SF3A3: variants seen among roughly 807,000 people sequenced by gnomAD.
The protein encoded by SF3A3 is SAP 61.
Under a neutral mutation model 85.8 loss-of-function variants are expected in SF3A3, and 9 were observed. The observed-to-expected ratio is 0.10, with a 90% CI of 0.06 to 0.18. The LOEUF (loss-of-function observed/expected upper bound fraction) is 0.18, where lower values mean the gene tolerates loss of function less well. SF3A3 is among the 10% of genes least tolerant of loss of function. The pLI, the probability that SF3A3 is intolerant of heterozygous loss-of-function variation, is 1.00. For synonymous variants in SF3A3, 195 were observed against 204.4 expected, an observed-to-expected ratio of 0.95 and a Z score of 0.39; for missense variants, 306 against 593.3, an observed-to-expected ratio of 0.52 and a Z score of 5.03.
At chr1:37,968,273 G>T in intron 14 of SF3A3, 139 bp from the exon 15 acceptor site, 1 of 654,542 alleles carries the variant, frequency 1.5e-6, no homozygotes, top group Non-Finnish European at 2.9e-6. Context: ...TGTGATTCAT[G>T]TTTGTAAACA....
intron 6 of SF3A3, among the ~76,000 whole-genome samples, chr1:37,983,586 C>CAAAAGAAAA (rs1646435192): frequency 2.6e-5 from 1 of 38,490 alleles, no homozygotes; most frequent in Non-Finnish European, 3.9e-5. Flanking sequence ...GACCCTGTCT[C>CAAAAGAAAA]AAAAAAAAAA....
At chr1:37,980,003 C>T (rs926929869) in intron 8 of SF3A3, among the ~76,000 whole-genome samples, 1 of 152,150 alleles carries the variant, frequency 6.6e-6, no homozygotes, top group Non-Finnish European at 1.5e-5. Flanking sequence ...ATGTAGATTC[C>T]TAACATATGA....
chr1:37,984,141 A>T, intron 6 of SF3A3, 28 bp downstream of exon 6: 1 of 1,314,950 alleles, frequency 7.6e-7, no homozygotes, highest in South Asian at 1.2e-5. Context: ...CGAGAATCAG[A>T]ACCTCTCTGC....
intron 1 of SF3A3, 33 bp downstream of exon 1, chr1:37,989,837 T>C (rs770471151): frequency 6.5e-7 from 1 of 1,526,948 alleles, no homozygotes. Flanking sequence ...AGGCTCGTGC[T>C]CCTGCCGCAG....
At chr1:37,962,336 G>A (rs1254135468) in intron 15 of SF3A3, among the ~76,000 whole-genome samples, 2 of 134,892 alleles carry the variant, frequency 1.5e-5, no homozygotes, top group Non-Finnish European at 3.1e-5. Context: ...GGGCGCGGTG[G>A]CTCACGCCTG....
In SF3A3 at chr1:37,980,252, C is replaced by G. The variant is rs556052332; in HGVS notation, c.690+334G>C. On this transcript the variant is annotated intron_variant, in intron 8 of 16. Transcript: ENST00000373019. Reference sequence around the variant, plus strand: ...CCAGCCTGACAAATATGGAGAAACCCTGTCCCCACTAAAAACACAAAATTA... The same window carrying G: ...CCAGCCTGACAAATATGGAGAAACCGTGTCCCCACTAAAAACACAAAATTA... 2.6e-5 allele frequency among the ~76,000 whole-genome samples: 4 copies of G among 152,196 alleles called. No homozygotes were observed. In the East Asian group the frequency reaches 7.7e-4, roughly 29 times the overall value.
chr1:37,984,669 T>C, intron 5 of SF3A3, 38 bp downstream of exon 5: 2 of 1,346,460 alleles, frequency 1.5e-6, no homozygotes, highest in Non-Finnish European at 2.1e-6. Context: ...TAACCTGTAT[T>C]TTTGCTGGTG....
intron 15 of SF3A3, among the ~76,000 whole-genome samples, chr1:37,966,071 C>T (rs971962368): frequency 4.0e-5 from 6 of 151,852 alleles, no homozygotes; most frequent in East Asian, 1.9e-4. Context: ...GGCGTGGTGG[C>T]GAGCGCTTGT....
chr1:37,979,171 C>A, intron 9 of SF3A3, 116 bp from the exon 10 acceptor site: 1 of 803,180 alleles, frequency 1.2e-6, no homozygotes, highest in Non-Finnish European at 2.1e-6. Context: ...ATTTCACAGC[C>A]AATCTAGCAG....
chr1:37,981,713 A>C lies in SF3A3; in HGVS notation c.551+16T>G. The C allele has an allele frequency of 6.9e-7, 1 of 1,440,756 alleles. No homozygotes were observed. Among genetic ancestry groups the C allele is most frequent in the Non-Finnish European group, 9.7e-7 (1 of 1,030,058 alleles). The allele number at this position is 1,440,756 out of a possible 1,614,324, so 89.2% of individuals were successfully genotyped here. On this transcript the variant is annotated intron_variant, in intron 7 of 16. Coordinates refer to ENST00000373019, the MANE Select transcript of SF3A3 (RefSeq NM_006802.4). ...TAATCAAATCCAGGAGAGGCCTAGAAACTATTAATGCCTACCTCTTATACT... is the reference window on the plus strand; with the variant it reads ...TAATCAAATCCAGGAGAGGCCTAGACACTATTAATGCCTACCTCTTATACT...
chr1:37,986,129 A>G (rs1055246322), intron 4 of SF3A3, among the ~76,000 whole-genome samples: 1 of 151,794 alleles, frequency 6.6e-6, no homozygotes, highest in African/African-American at 2.4e-5. Flanking sequence ...TTGTGTTTTT[A>G]GTAGAGAGAG....
chr1:37,978,047 A>C (rs1646391907), intron 11 of SF3A3, among the ~76,000 whole-genome samples: 2 of 151,720 alleles, frequency 1.3e-5, no homozygotes, highest in Admixed American at 1.3e-4. Flanking sequence ...AACAAAAAAA[A>C]CAACCCTGGG....
intron 12 of SF3A3, among the ~76,000 whole-genome samples, 190 bp downstream of exon 12, chr1:37,976,694 G>A (rs1646381804): frequency 6.6e-6 from 1 of 152,032 alleles, no homozygotes. Flanking sequence ...GCAACTTTGG[G>A]AGTATCATCT....
At chr1:37,973,769 G>C (rs1646359555) in intron 12 of SF3A3, among the ~76,000 whole-genome samples, 1 of 152,122 alleles carries the variant, frequency 6.6e-6, no homozygotes, top group South Asian at 2.1e-4. Flanking sequence ...CTGCTATAAA[G>C]ACACATGCAC....
intron 4 of SF3A3, among the ~76,000 whole-genome samples, chr1:37,985,529 T>C (rs1442402302): frequency 1.3e-5 from 2 of 152,240 alleles, no homozygotes; most frequent in African/African-American, 4.8e-5. Context: ...AAAACAGTGC[T>C]CTATGTATTT....
At chr1:37,971,246 G>C (rs1325795126) in intron 12 of SF3A3, among the ~76,000 whole-genome samples, 1 of 151,510 alleles carries the variant, frequency 6.6e-6, no homozygotes, top group Non-Finnish European at 1.5e-5. Flanking sequence ...AAACAAACTA[G>C]AAAATCTAGA....
intron 15 of SF3A3, 90 bp from the exon 16 acceptor site, chr1:37,960,265 G>A: frequency 2.4e-6 from 3 of 1,234,982 alleles, no homozygotes; most frequent in Non-Finnish European, 3.5e-6. Flanking sequence ...CCATTAGGAT[G>A]CTCCCTAGAA....
chr1:37,971,047 C>CA (rs58499400), intron 12 of SF3A3, among the ~76,000 whole-genome samples: 2,062 of 151,500 alleles, frequency 0.014, 60 homozygotes, highest in African/African-American at 0.047. Flanking sequence ...AAAAACCCTT[C>CA]AAAAAAAATC....
Position 37,958,032 on chromosome 1 carries a change from C to G in SF3A3, c.*154G>C. On this transcript the variant is annotated 3_prime_UTR_variant, in exon 17 of 17. Coordinates refer to ENST00000373019, the MANE Select transcript of SF3A3 (RefSeq NM_006802.4). ...ACAGATAAAACACATCTCAACCCTG[C>G]AATCTGCCAGCATGCCTTGTTTCTA... The G allele has an allele frequency of 1.6e-6, 1 of 620,790 alleles. No individual in the cohort carries two copies. Among genetic ancestry groups the G allele is most frequent in the Non-Finnish European group, 2.9e-6 (1 of 343,920 alleles). The allele number at this position is 620,790 out of a possible 1,614,324, so 38.5% of individuals were successfully genotyped here.
Sources: allele counts gnomAD v4.1 joint callset (sites outside exome capture counted in the v4.1 genomes callset), GRCh38; gene constraint gnomAD v4.1.1; transcripts MANE v1.5; gene names NCBI Gene and HGNC (gene_info 2026-07-23, HGNC 2026-07-21).